RCAN1: variants seen among roughly 807,000 people sequenced by gnomAD.
RCAN1 encodes the protein calcipressin-1.
In RCAN1, 11 loss-of-function variants were observed where a neutral mutation model predicts 22.9. The observed-to-expected ratio is 0.48, with a 90% CI of 0.30 to 0.79. The LOEUF is 0.79. Ranked by LOEUF, RCAN1 falls within the 30% of genes least tolerant of loss-of-function variation. RCAN1 has a pLI of 0.06. For missense variants in RCAN1, 291 were observed against 337.8 expected, an observed-to-expected ratio of 0.86 and a Z score of 1.09; for synonymous variants, 136 against 142.3, an observed-to-expected ratio of 0.96 and a Z score of 0.32.
In RCAN1 at chr21:34,605,419, T is replaced by TTA. The variant is rs1380774098; in HGVS notation, c.252+9339_252+9340dup. Among the ~76,000 whole-genome samples the TTA allele has an allele frequency of 4.6e-5, 7 of 152,286 alleles. No individual in the cohort carries two copies. The East Asian group carries it at 1.4e-3, about 29-fold the overall frequency. ...TAACAAACTCCCTTTTAACTCCTCT[T>TTA]TATATATATCGATCTATCCTATTAG... On this transcript the variant is annotated intron_variant, in intron 1 of 3. Coordinates refer to ENST00000313806, the MANE Select transcript of RCAN1 (RefSeq NM_004414.7).
intron 1 of RCAN1, among the ~76,000 whole-genome samples, chr21:34,563,582 C>CA (rs1986872180): frequency 6.6e-6 from 1 of 151,344 alleles, no homozygotes; most frequent in Admixed American, 6.6e-5. Context: ...TGGGGTAGGG[C>CA]AGTGTATTAG....
At chr21:34,521,452 C>A (rs764207871) in intron 3 of RCAN1, 47 bp downstream of exon 3, 6 of 1,613,000 alleles carry the variant, frequency 3.7e-6, no homozygotes, top group Non-Finnish European at 5.1e-6. Context: ...TGCAGGGCAG[C>A]AGCTGTGTCT....
chr21:34,556,096 ATAAT>A (rs1986559649), intron 1 of RCAN1, among the ~76,000 whole-genome samples: 1 of 70,478 alleles, frequency 1.4e-5, no homozygotes, highest in Non-Finnish European at 2.6e-5. Context: ...AAATAAATAA[ATAAT>A]TAAAGGCCAA....
intron 1 of RCAN1, among the ~76,000 whole-genome samples, chr21:34,568,364 G>A (rs1032137532): frequency 3.3e-5 from 5 of 152,220 alleles, no homozygotes; most frequent in African/African-American, 1.2e-4. Context: ...ATAATTAGAT[G>A]AGCTGGCAAG....
chr21:34,586,265 T>C (rs532548978), intron 1 of RCAN1, among the ~76,000 whole-genome samples: 5 of 152,258 alleles, frequency 3.3e-5, no homozygotes, highest in African/African-American at 1.2e-4. Flanking sequence ...TTTTTTCAAG[T>C]GCACATGAAA....
At chr21:34,566,319 C>T (rs1432930242) in intron 1 of RCAN1, among the ~76,000 whole-genome samples, 1 of 152,184 alleles carries the variant, frequency 6.6e-6, no homozygotes, top group Admixed American at 6.5e-5. Flanking sequence ...GGCAGGTTAC[C>T]CTTCCTGAAC....
chr21:34,535,695 T>C (rs1985635688), intron 1 of RCAN1, among the ~76,000 whole-genome samples: 2 of 152,154 alleles, frequency 1.3e-5, no homozygotes, highest in African/African-American at 4.8e-5. Flanking sequence ...TTTACAAATA[T>C]GTATTTCTGG....
chr21:34,528,938 A>G (rs1985226660), intron 1 of RCAN1, among the ~76,000 whole-genome samples: 1 of 147,190 alleles, frequency 6.8e-6, no homozygotes, highest in Non-Finnish European at 1.5e-5. Context: ...TACAATTTTG[A>G]TTTCGTTATA....
chr21:34,539,946 AG>A (rs1985844055), intron 1 of RCAN1, among the ~76,000 whole-genome samples: 3 of 152,330 alleles, frequency 2.0e-5, no homozygotes, highest in Admixed American at 2.0e-4. Flanking sequence ...CACTGGAGTC[AG>A]GGCTGTCTGA....
chr21:34,610,483 C>A (rs1456771866), intron 1 of RCAN1, among the ~76,000 whole-genome samples: 1 of 152,200 alleles, frequency 6.6e-6, no homozygotes. Flanking sequence ...GACCAAGGGC[C>A]TGGCTCCCGG....
chr21:34,548,418 T>C (rs2123639960), intron 1 of RCAN1, among the ~76,000 whole-genome samples: 1 of 152,272 alleles, frequency 6.6e-6, no homozygotes, highest in Admixed American at 6.5e-5. Flanking sequence ...TAAAATGACA[T>C]GTCTGATTTC....
rs1412789043 is a variant in RCAN1 at position 34,614,850 on chromosome 21, G to A, written c.162C>T (p.Cys54=). 1.4e-6 allele frequency: 2 copies of A among 1,479,122 alleles called. No homozygotes were observed. Among genetic ancestry groups the A allele is most frequent in the Admixed American group, 2.1e-5 (1 of 47,572 alleles). The allele number at this position is 1,479,122 out of a possible 1,614,324, so 91.6% of individuals were successfully genotyped here. The part of the protein sequence containing the change: ...EGGGDWSFID[C]EMEEVDLQDL... ...CCTGCAGGTCCACCTCCTCCATCTC[G>A]CAGTCAATGAAGCTCCAGTCGCCGC... The change falls in exon 1 of 4, where the codon TGC becomes TGT. Residue 54 remains cysteine (C), a synonymous_variant. Transcript: ENST00000313806. The surrounding 1 kb of genome is among the most constrained non-coding windows in gnomAD (Gnocchi z 6.0).
intron 1 of RCAN1, chr21:34,525,136 T>C: frequency 6.4e-7 from 1 of 1,550,446 alleles, no homozygotes; most frequent in East Asian, 2.4e-5. Flanking sequence ...GGAGCGAGGA[T>C]TCAGGATAAG....
At chr21:34,535,075 T>C (rs184860228) in intron 1 of RCAN1, among the ~76,000 whole-genome samples, 137 of 152,348 alleles carry the variant, frequency 9.0e-4, no homozygotes, top group South Asian at 6.2e-3. Context: ...AGAATTTGTA[T>C]AGAATTTACA....
intron 1 of RCAN1, among the ~76,000 whole-genome samples, chr21:34,533,283 A>G (rs1985512983): frequency 6.6e-6 from 1 of 152,298 alleles, no homozygotes; most frequent in East Asian, 1.9e-4. Context: ...AATAGGATAC[A>G]CTGAGAAAGC....
intron 1 of RCAN1, among the ~76,000 whole-genome samples, chr21:34,545,960 A>G (rs1326090412): frequency 6.6e-6 from 1 of 152,196 alleles, no homozygotes; most frequent in African/African-American, 2.4e-5. Context: ...GCTTTGAAAC[A>G]TGTCATTTCA....
chr21:34,552,699 T>C (rs62214577), intron 1 of RCAN1, among the ~76,000 whole-genome samples: 2,364 of 152,046 alleles, frequency 0.016, 22 homozygotes, highest in Non-Finnish European at 0.026. Flanking sequence ...CATGCACACA[T>C]AGACACATAC....
chr21:34,612,489 G>A (rs1431704014), intron 1 of RCAN1, among the ~76,000 whole-genome samples: 1 of 152,182 alleles, frequency 6.6e-6, no homozygotes. Flanking sequence ...TCCATCTAAA[G>A]TGGCTCCCTA....
rs117842674 is a variant in RCAN1 at position 34,612,403 on chromosome 21, G to A, written c.252+2357C>T. Among the ~76,000 whole-genome samples the A allele has an allele frequency of 4.5e-3, 692 of 152,274 alleles. 4 individuals are homozygous for A. The highest frequency in any genetic ancestry group is 0.015 in the African/African-American group (635 of 41,552). ...CTGCTAGTCCCTCTGCCGGGATGCC[G>A]GCCACACAAACACCTCCCCAGGGAG... On this transcript the variant is annotated intron_variant, in intron 1 of 3. Transcript: ENST00000313806.
Sources: gnomAD v4.1 joint callset for allele counts (sites outside exome capture counted in the v4.1 genomes callset) on GRCh38, gnomAD v4.1.1 for gene constraint, Gnocchi (gnomAD v3.1) non-coding constraint, MANE v1.5 for transcripts, NCBI Gene and HGNC (gene_info 2026-07-23, HGNC 2026-07-21) for gene names.